The following TTC29 variants were observed in gnomAD, a reference collection of about 807,000 sequenced individuals.
TTC29 encodes tetratricopeptide repeat domain 29.
TTC29 carries 49 observed loss-of-function variants against 58.1 expected under a neutral mutation model. The ratio of observed to expected loss-of-function variants is 0.84; its 90% CI spans 0.67 to 1.07. The LOEUF is 1.07. Among genes scored for constraint, TTC29 ranks in the 50% least tolerant of loss-of-function variants. TTC29 has a pLI of 0.00. For synonymous variants in TTC29, 209 were observed against 196.8 expected, an observed-to-expected ratio of 1.06 and a Z score of -0.52; for missense variants, 582 against 555.6, an observed-to-expected ratio of 1.05 and a Z score of -0.48.
intron 4 of TTC29, among the ~76,000 whole-genome samples, chr4:146,923,340 C>T (rs1259956746): frequency 1.3e-5 from 2 of 151,540 alleles, no homozygotes; most frequent in African/African-American, 4.8e-5. Flanking sequence ...CGCGTGCACA[C>T]TAACACACAG....
intron 4 of TTC29, among the ~76,000 whole-genome samples, chr4:146,925,448 AT>A (rs979702464): frequency 1.4e-4 from 22 of 151,890 alleles, no homozygotes; most frequent in African/African-American, 3.9e-4. Context: ...ATAAAATATC[AT>A]TTTTTTCCAT....
At chr4:146,833,519 T>C (rs1455883912) in intron 9 of TTC29, among the ~76,000 whole-genome samples, 4 of 152,130 alleles carry the variant, frequency 2.6e-5, no homozygotes, top group African/African-American at 9.7e-5. Flanking sequence ...TTTCTTAACT[T>C]GTGAGATGTG....
chr4:146,868,994 G>A (rs1359467061), intron 7 of TTC29, among the ~76,000 whole-genome samples: 2 of 150,894 alleles, frequency 1.3e-5, no homozygotes, highest in African/African-American at 2.4e-5. Context: ...CATATGACAT[G>A]CCTGCTCCCC....
intron 11 of TTC29, among the ~76,000 whole-genome samples, chr4:146,798,040 C>T (rs1205447018): frequency 2.0e-5 from 3 of 151,796 alleles, no homozygotes; most frequent in African/African-American, 4.8e-5. Context: ...TAACCTTTTC[C>T]TTTGCATTGT....
At chr4:146,756,732 T>C (rs1746478791) in intron 11 of TTC29, among the ~76,000 whole-genome samples, 1 of 151,820 alleles carries the variant, frequency 6.6e-6, no homozygotes, top group Non-Finnish European at 1.5e-5. Context: ...ATTTTTTTAT[T>C]CTTTTTTTTT....
At chr4:146,710,552 G>C (rs978149914) in intron 11 of TTC29, among the ~76,000 whole-genome samples, 1 of 152,040 alleles carries the variant, frequency 6.6e-6, no homozygotes, top group Non-Finnish European at 1.5e-5. Context: ...GTTGGCTCTT[G>C]GTTCCATCAC....
chr4:146,824,178 C>T (rs1323864111), intron 9 of TTC29, among the ~76,000 whole-genome samples: 2 of 151,932 alleles, frequency 1.3e-5, no homozygotes, highest in Non-Finnish European at 2.9e-5. Flanking sequence ...TTGTCTTGTG[C>T]CAGTTTTCAA....
At chr4:146,808,575 A>T (rs1750785818) in intron 10 of TTC29, among the ~76,000 whole-genome samples, 1 of 152,230 alleles carries the variant, frequency 6.6e-6, no homozygotes, top group South Asian at 2.1e-4. Context: ...CAAAACTCAC[A>T]AGCATTCCTA....
intron 4 of TTC29, among the ~76,000 whole-genome samples, chr4:146,933,398 A>C (rs1735499591): frequency 6.6e-6 from 1 of 152,360 alleles, no homozygotes; most frequent in East Asian, 1.9e-4. Flanking sequence ...GTTTATTTGA[A>C]TCTATAAATG....
intron 4 of TTC29, among the ~76,000 whole-genome samples, chr4:146,936,018 C>T (rs1735786906): frequency 6.6e-6 from 1 of 152,144 alleles, no homozygotes; most frequent in South Asian, 2.1e-4. Context: ...GACCTGTGTA[C>T]AAGCTATCTC....
At chr4:146,864,774 T>A (rs1043695708) in intron 8 of TTC29, among the ~76,000 whole-genome samples, 3 of 152,180 alleles carry the variant, frequency 2.0e-5, no homozygotes, top group African/African-American at 7.2e-5. Flanking sequence ...TGTCTTCTGT[T>A]TCAAATCTTC....
chr4:146,708,408 A>AT (rs1450894032), intron 11 of TTC29, among the ~76,000 whole-genome samples: 11 of 147,016 alleles, frequency 7.5e-5, no homozygotes, highest in African/African-American at 2.5e-4. Context: ...ATATATATAT[A>AT]AAAACTTCCC....
chr4:146,886,701 T>C (rs1205855922), intron 6 of TTC29, among the ~76,000 whole-genome samples: 2 of 152,150 alleles, frequency 1.3e-5, no homozygotes, highest in African/African-American at 2.4e-5. Flanking sequence ...ATCATACTTT[T>C]AATAAAATAA....
At chr4:146,719,770 T>A (rs963477759) in intron 11 of TTC29, among the ~76,000 whole-genome samples, 3 of 152,128 alleles carry the variant, frequency 2.0e-5, no homozygotes, top group Non-Finnish European at 2.9e-5. Flanking sequence ...TCATGTAAGT[T>A]GTTGTCTTTA....
At chr4:146,777,717 A>AT (rs1413218367) in intron 11 of TTC29, among the ~76,000 whole-genome samples, 2 of 152,186 alleles carry the variant, frequency 1.3e-5, no homozygotes, top group Non-Finnish European at 2.9e-5. Flanking sequence ...CATGACTAAA[A>AT]TTATATCAAG....
chr4:146,747,103 A>G (rs1016461142), intron 11 of TTC29, among the ~76,000 whole-genome samples: 7 of 152,126 alleles, frequency 4.6e-5, no homozygotes, highest in Admixed American at 2.0e-4. Flanking sequence ...ATCCCCTATC[A>G]CCACCGTGGA....
intron 11 of TTC29, among the ~76,000 whole-genome samples, chr4:146,728,795 G>GTGTGTATATATACA (rs1561066297): frequency 9.0e-6 from 1 of 111,436 alleles, no homozygotes; most frequent in African/African-American, 3.7e-5. Flanking sequence ...GTATATATAC[G>GTGTGTATATATACA]TATATATACA....
chr4:146,886,668 T>C (rs560357082), intron 6 of TTC29, among the ~76,000 whole-genome samples: 2 of 151,990 alleles, frequency 1.3e-5, no homozygotes, highest in East Asian at 3.9e-4. Context: ...CCTGGGTGAG[T>C]CCTATATCAG....
intron 11 of TTC29, among the ~76,000 whole-genome samples, chr4:146,755,669 G>T (rs1215692104): frequency 1.3e-5 from 2 of 151,610 alleles, no homozygotes; most frequent in Non-Finnish European, 2.9e-5. Flanking sequence ...TTGTTAATTG[G>T]CTTCATGATA....
Sources: allele counts gnomAD v4.1 joint callset (sites outside exome capture counted in the v4.1 genomes callset), GRCh38; gene constraint gnomAD v4.1.1; transcripts MANE v1.5; gene names NCBI Gene and HGNC (gene_info 2026-07-23, HGNC 2026-07-21).